The following GAB2 variants were observed in gnomAD, a reference collection of about 807,000 sequenced individuals.
GAB2 encodes GRB2-associated-binding protein 2.
A neutral mutation model predicts 65.5 loss-of-function variants in GAB2; 26 were observed. The observed-to-expected ratio is 0.40, with a 90% CI of 0.29 to 0.55. The LOEUF (loss-of-function observed/expected upper bound fraction) is 0.55, where lower values mean the gene tolerates loss of function less well. Among genes scored for constraint, GAB2 ranks in the 20% least tolerant of loss-of-function variants. The probability of loss-of-function intolerance (pLI) is 0.53; values close to 1 mark genes in which losing one functional copy is unlikely to be tolerated. For synonymous variants in GAB2, 321 were observed against 329.6 expected, an observed-to-expected ratio of 0.97 and a Z score of 0.28; for missense variants, 884 against 875.8, an observed-to-expected ratio of 1.01 and a Z score of -0.12.
rs139962039 is a variant in GAB2, at chr11:78,374,347, T to C, written c.75+43299A>G. On this transcript the variant is annotated intron_variant, in intron 1 of 9. Transcript: ENST00000361507. ...CGGTATTTGTCACAGGTTTCACTTT[T>C]GTCGAGCCATTTCTGAACTCATTAT... is the stretch of plus-strand genomic sequence containing the variant. 3.6e-3 allele frequency among the ~76,000 whole-genome samples: 548 copies of C among 152,344 alleles called. 5 individuals carry two copies. The highest frequency in any genetic ancestry group is 0.012 in the African/African-American group (493 of 41,582).
intron 3 of GAB2, among the ~76,000 whole-genome samples, chr11:78,243,864 AGAT>A (rs1865216668): frequency 6.6e-6 from 1 of 152,102 alleles, no homozygotes. Context: ...AAAAGAAAAA[AGAT>A]GATTATGAAC....
rs1334592192 is a variant in GAB2, at chr11:78,223,662, A to T, written c.1317T>A (p.Ile439=). The change falls in exon 6 of 10, where the codon ATT becomes ATA. Residue 439 remains isoleucine, a synonymous_variant. Coordinates refer to ENST00000361507, the MANE Select transcript of GAB2 (RefSeq NM_080491.3). ...GVGSFLPGKM[I]VGRSDSTNSE... ...AATTGGTGCTGTCCGATCGGCCCAC[A>T]ATCATTTTCCCTGGCTAGGGAGAGG... is the stretch of plus-strand genomic sequence containing the variant. 2 of 1,601,036 alleles carry T rather than the reference A, an allele frequency of 1.2e-6. No individual in the cohort carries two copies. The highest frequency in any genetic ancestry group is 2.2e-5 in the South Asian group (2 of 89,346).
intron 9 of GAB2, among the ~76,000 whole-genome samples, chr11:78,220,005 G>C (rs1370433430): frequency 6.6e-6 from 1 of 152,082 alleles, no homozygotes; most frequent in African/African-American, 2.4e-5. Flanking sequence ...CTCATTCCTG[G>C]ATCTGTTGCT....
chr11:78,218,457 C>G lies in GAB2; in HGVS notation c.*815G>C, dbSNP rs564868756. 1 of 152,650 alleles carries G rather than the reference C, an allele frequency of 6.6e-6. No individual in the cohort carries two copies. The highest frequency in any genetic ancestry group is 2.1e-4 in the South Asian group (1 of 4,840). The allele number at this position is 152,650 out of a possible 1,614,324, so 9.5% of individuals were successfully genotyped here. On this transcript the variant is annotated 3_prime_UTR_variant, in exon 10 of 10. Coordinates refer to ENST00000361507, the MANE Select transcript of GAB2 (RefSeq NM_080491.3). ...GACTAGCCCTTGGGCCTAGAGTGGC[C>G]TGTAGCTCCAGAGTTCTGGGGACCC... is the stretch of plus-strand genomic sequence containing the variant.
intron 1 of GAB2, among the ~76,000 whole-genome samples, chr11:78,364,657 C>T (rs1387132488): frequency 1.3e-5 from 2 of 152,158 alleles, no homozygotes; most frequent in African/African-American, 4.8e-5. Context: ...AAATTCCTCT[C>T]CAAACATATT....
chr11:78,389,984 C>G (rs1043406541), intron 1 of GAB2, among the ~76,000 whole-genome samples: 1 of 152,126 alleles, frequency 6.6e-6, no homozygotes, highest in African/African-American at 2.4e-5. Flanking sequence ...AATATAGATC[C>G]TTTTGTATCT....
At chr11:78,380,791 C>A (rs1856687970) in intron 1 of GAB2, among the ~76,000 whole-genome samples, 2 of 149,678 alleles carry the variant, frequency 1.3e-5, no homozygotes, top group Non-Finnish European at 3.0e-5. Context: ...AAACCCCCCA[C>A]CCCGTAATTA....
intron 1 of GAB2, among the ~76,000 whole-genome samples, chr11:78,293,988 A>G (rs918189530): frequency 6.6e-6 from 1 of 152,124 alleles, no homozygotes; most frequent in Non-Finnish European, 1.5e-5. Flanking sequence ...ACATATGTAT[A>G]CATGTGCCAT....
intron 1 of GAB2, among the ~76,000 whole-genome samples, chr11:78,362,847 G>C (rs564113888): frequency 2.0e-4 from 30 of 152,198 alleles, no homozygotes; most frequent in African/African-American, 7.2e-4. Flanking sequence ...AGCAAAAAAA[G>C]ATATTAAGGT....
chr11:78,341,589 A>G (rs1170214191), intron 1 of GAB2, among the ~76,000 whole-genome samples: 1 of 152,218 alleles, frequency 6.6e-6, no homozygotes, highest in African/African-American at 2.4e-5. Flanking sequence ...GTTTCTTAAA[A>G]GATATCATTT....
At position 78,227,843 on chromosome 11, in the gene GAB2, A is replaced by C. The variant is rs563263658; in HGVS notation, c.621-792T>G. Among the ~76,000 whole-genome samples the C allele has an allele frequency of 2.6e-3, 392 of 152,176 alleles. 7 individuals carry two copies. The highest frequency in any genetic ancestry group is 0.02 in the Middle Eastern group (6 of 294). On this transcript the variant is annotated intron_variant, in intron 3 of 9. Transcript: ENST00000361507. ...ACACAAACAAACAACAAACTATTCAAACGTAAGCTCTAGATTTATTTTCTA... is the reference window on the plus strand; with the variant it reads ...ACACAAACAAACAACAAACTATTCACACGTAAGCTCTAGATTTATTTTCTA...
intron 1 of GAB2, among the ~76,000 whole-genome samples, chr11:78,324,216 T>C (rs962797372): frequency 2.0e-5 from 3 of 152,180 alleles, no homozygotes; most frequent in Non-Finnish European, 2.9e-5. Flanking sequence ...AAGTATATCA[T>C]ATTCTGGCTG....
At chr11:78,236,772 ATTGT>A (rs1412062888) in intron 3 of GAB2, among the ~76,000 whole-genome samples, 1 of 7,128 alleles carries the variant, frequency 1.4e-4, no homozygotes, top group Non-Finnish European at 3.2e-4. Context: ...AATTACTTTG[ATTGT>A]TTTTTTTTTG....
chr11:78,275,920 C>A (rs1361517212), intron 2 of GAB2, among the ~76,000 whole-genome samples: 1 of 151,908 alleles, frequency 6.6e-6, no homozygotes, highest in Non-Finnish European at 1.5e-5. Flanking sequence ...TTGACACCAG[C>A]CTGGACAACA....
chr11:78,236,987 G>A (rs184842497), intron 3 of GAB2, among the ~76,000 whole-genome samples: 1 of 152,192 alleles, frequency 6.6e-6, no homozygotes, highest in East Asian at 1.9e-4. Flanking sequence ...TTATTCATGG[G>A]GGATATTCTC....
intron 1 of GAB2, among the ~76,000 whole-genome samples, chr11:78,344,544 G>A (rs1388036845): frequency 6.6e-6 from 1 of 152,148 alleles, no homozygotes; most frequent in African/African-American, 2.4e-5. Flanking sequence ...TTTGTCCTAT[G>A]GGTCAAATTA....
chr11:78,222,322 C>T (rs1864468417), intron 6 of GAB2, 127 bp from the exon 7 acceptor site: 1 of 669,090 alleles, frequency 1.5e-6, no homozygotes, highest in Non-Finnish European at 2.7e-6. Context: ...CACAGGGAAA[C>T]TGACGCTCAG....
At chr11:78,408,156 T>C (rs1176661625) in intron 1 of GAB2, among the ~76,000 whole-genome samples, 5 of 152,172 alleles carry the variant, frequency 3.3e-5, no homozygotes, top group African/African-American at 1.2e-4. Flanking sequence ...CCTTCTGAGT[T>C]TTCTAAATTA....
intron 1 of GAB2, among the ~76,000 whole-genome samples, chr11:78,292,474 TTCAACTGTCAACTC>T (rs1866708346): frequency 6.6e-6 from 1 of 152,212 alleles, no homozygotes; most frequent in African/African-American, 2.4e-5. Context: ...TAGAAATATT[TTCAACTGTCAACTC>T]TCAGGTGGTG....
Sources: gnomAD v4.1 joint callset for allele counts (sites outside exome capture counted in the v4.1 genomes callset) on GRCh38, gnomAD v4.1.1 for gene constraint, MANE v1.5 for transcripts, NCBI Gene and HGNC (gene_info 2026-07-23, HGNC 2026-07-21) for gene names.